Variants in LRP1B observed in about 807,000 individuals in gnomAD.
LRP1B encodes the protein low-density lipoprotein receptor-related protein 1B.
A neutral mutation model predicts 556.6 loss-of-function variants in LRP1B; 217 were observed. That is an observed-to-expected ratio of 0.39 (90% CI 0.35 to 0.44). The LOEUF is 0.44. Ranked by LOEUF, LRP1B falls within the 20% of genes least tolerant of loss-of-function variation. LRP1B has a pLI of 1.00. For synonymous variants in LRP1B, 2,047 were observed against 1,865.8 expected, an observed-to-expected ratio of 1.10 and a Z score of -2.50; for missense variants, 5,053 against 5,620.8, an observed-to-expected ratio of 0.90 and a Z score of 3.23.
intron 7 of LRP1B, among the ~76,000 whole-genome samples, chr2:141,112,542 G>A (rs1700781821): frequency 6.6e-6 from 1 of 152,098 alleles, no homozygotes; most frequent in African/African-American, 2.4e-5. Flanking sequence ...AATGCTATCT[G>A]TACATATTTT....
At chr2:140,829,373 T>G (rs1691637005) in intron 31 of LRP1B, among the ~76,000 whole-genome samples, 1 of 152,168 alleles carries the variant, frequency 6.6e-6, no homozygotes, top group Admixed American at 6.5e-5. Flanking sequence ...GAATAGGATC[T>G]ATGTGAGGCC....
intron 3 of LRP1B, among the ~76,000 whole-genome samples, chr2:141,455,573 G>A (rs1396953183): frequency 2.6e-5 from 4 of 152,024 alleles, no homozygotes; most frequent in Admixed American, 1.3e-4. Flanking sequence ...TGGGGACAGG[G>A]GTAGGAGCAA....
intron 29 of LRP1B, among the ~76,000 whole-genome samples, chr2:140,844,804 A>C (rs1383104581): frequency 2.6e-5 from 4 of 152,170 alleles, no homozygotes; most frequent in Admixed American, 1.3e-4. Context: ...AGCTCATAAG[A>C]CAGGAAAAAC....
intron 7 of LRP1B, among the ~76,000 whole-genome samples, chr2:141,145,769 G>A (rs1020072633): frequency 7.9e-5 from 12 of 151,894 alleles, no homozygotes; most frequent in Admixed American, 7.2e-4. Flanking sequence ...CTGACCTCGG[G>A]TGATCCGCAC....
At chr2:140,729,880 C>T (rs1480942726) in intron 35 of LRP1B, among the ~76,000 whole-genome samples, 2 of 152,148 alleles carry the variant, frequency 1.3e-5, no homozygotes, top group East Asian at 1.9e-4. Context: ...TGCATAACTG[C>T]ATTATTACAA....
intron 18 of LRP1B, among the ~76,000 whole-genome samples, chr2:140,976,503 CTTTTTTTTTTTT>C (rs1216208854): frequency 2.8e-5 from 3 of 105,356 alleles, no homozygotes; most frequent in Admixed American, 1.1e-4. Flanking sequence ...TTTTTTTTTC[CTTTTTTTTTTTT>C]TTTTTTTTTG....
At chr2:141,683,279 TTAG>T (rs1401430436) in intron 2 of LRP1B, among the ~76,000 whole-genome samples, 1 of 152,144 alleles carries the variant, frequency 6.6e-6, no homozygotes, top group Non-Finnish European at 1.5e-5. Context: ...GAACAGGCTG[TTAG>T]TAGAAATCTG....
At chr2:141,100,714 G>C (rs1015177771) in intron 7 of LRP1B, among the ~76,000 whole-genome samples, 1 of 152,178 alleles carries the variant, frequency 6.6e-6, no homozygotes, top group African/African-American at 2.4e-5. Context: ...AGGGTTTGCT[G>C]TTGGAATAGT....
chr2:140,555,800 C>G (rs1680710791), intron 43 of LRP1B, among the ~76,000 whole-genome samples: 2 of 151,980 alleles, frequency 1.3e-5, no homozygotes, highest in South Asian at 4.1e-4. Flanking sequence ...CTAATGTCTA[C>G]TTTAGAGAAA....
In LRP1B at chr2:142,035,027, A is replaced by C. The variant is rs189940767; in HGVS notation, c.82+95621T>G. On this transcript the variant is annotated intron_variant, in intron 1 of 90. Coordinates refer to ENST00000389484, the MANE Select transcript of LRP1B (RefSeq NM_018557.3). ...TCTTATTTCATTCATTTACTAATTT[A>C]AAATGGGTAGGGTATACTGTACTAT... Among the ~76,000 whole-genome samples the C allele has an allele frequency of 3.9e-5, 6 of 151,912 alleles. No homozygotes were observed. In the East Asian group the frequency reaches 1.2e-3, roughly 30 times the overall value.
At chr2:140,245,893 T>G (rs1206044601) in intron 87 of LRP1B, among the ~76,000 whole-genome samples, 1 of 151,322 alleles carries the variant, frequency 6.6e-6, no homozygotes, top group Non-Finnish European at 1.5e-5. Context: ...ACACAAATTC[T>G]AAGATCAACT....
At chr2:142,057,652 A>T (rs911186830) in intron 1 of LRP1B, among the ~76,000 whole-genome samples, 1 of 152,176 alleles carries the variant, frequency 6.6e-6, no homozygotes, top group Non-Finnish European at 1.5e-5. Flanking sequence ...CATAAAAATA[A>T]TACTTGGCAA....
At chr2:140,990,059 T>C (rs1425642124) in intron 16 of LRP1B, among the ~76,000 whole-genome samples, 1 of 151,960 alleles carries the variant, frequency 6.6e-6, no homozygotes, top group Non-Finnish European at 1.5e-5. Flanking sequence ...TACAAAAAAT[T>C]AGCCAGGCAT....
At chr2:141,054,562 GAAAACTTTTTGATAAAATCGTT>G (rs200623582) in intron 10 of LRP1B, among the ~76,000 whole-genome samples, 5,770 of 152,046 alleles carry the variant, frequency 0.038, 175 homozygotes, top group Middle Eastern at 0.12. Context: ...TAAGAGATTA[GAAAACTTTTTGATAAAATCGTT>G]AAAACTTTTT....
At chr2:140,398,053 T>G (rs4375802) in intron 66 of LRP1B, among the ~76,000 whole-genome samples, 1 of 152,170 alleles carries the variant, frequency 6.6e-6, no homozygotes, top group East Asian at 1.9e-4. Flanking sequence ...CATTCATGTT[T>G]ATTTGGAGTT....
At chr2:141,403,932 G>A (rs1690536553) in intron 3 of LRP1B, among the ~76,000 whole-genome samples, 1 of 152,042 alleles carries the variant, frequency 6.6e-6, no homozygotes, top group African/African-American at 2.4e-5. Flanking sequence ...CACATCATCT[G>A]GAAATACAAT....
At chr2:141,172,388 GAAAA>G (rs984776455) in intron 7 of LRP1B, among the ~76,000 whole-genome samples, 3 of 152,128 alleles carry the variant, frequency 2.0e-5, no homozygotes, top group East Asian at 1.9e-4. Context: ...CCACTTTCCA[GAAAA>G]TGCTGCAGCT....
At chr2:140,409,130 G>T (rs1165641083) in intron 66 of LRP1B, among the ~76,000 whole-genome samples, 2 of 151,948 alleles carry the variant, frequency 1.3e-5, no homozygotes, top group Non-Finnish European at 1.5e-5. Flanking sequence ...ACAACATAGA[G>T]AAATCCAAAT....
At position 141,571,441 on chromosome 2, in the gene LRP1B, C is replaced by T. The variant is rs191237142; in HGVS notation, c.206-90908G>A. ...CAAGGGTCAGCATGGCCTCAAAGACCGAAACTAGACAAACTCACAAAGATA... is the reference window on the plus strand; with the variant it reads ...CAAGGGTCAGCATGGCCTCAAAGACTGAAACTAGACAAACTCACAAAGATA... On this transcript the variant is annotated intron_variant, in intron 2 of 90. Transcript: ENST00000389484. 1.7e-3 allele frequency among the ~76,000 whole-genome samples: 242 copies of T among 139,318 alleles called. 2 individuals are homozygous for T. The highest frequency in any genetic ancestry group is 5.2e-3 in the African/African-American group (210 of 40,514). 91.4% of individuals were successfully genotyped at this position (139,318 alleles called of 152,430 possible). A position where few individuals can be genotyped will look rare whatever the true frequency, so the allele number is the denominator to read the frequency against.
Sources: allele counts gnomAD v4.1 joint callset (sites outside exome capture counted in the v4.1 genomes callset), GRCh38; gene constraint gnomAD v4.1.1; transcripts MANE v1.5; gene names NCBI Gene and HGNC (gene_info 2026-07-23, HGNC 2026-07-21).